The following GSTCD variants were observed in gnomAD, a reference collection of about 807,000 sequenced individuals.
GSTCD encodes glutathione S-transferase C-terminal domain-containing protein.
In GSTCD, 44 loss-of-function variants were observed where a neutral mutation model predicts 68.3. That is an observed-to-expected ratio of 0.64 (90% confidence interval 0.51 to 0.83). The LOEUF (loss-of-function observed/expected upper bound fraction) is 0.83, where lower values mean the gene tolerates loss of function less well. Ranked by LOEUF, GSTCD falls within the 40% of genes least tolerant of loss-of-function variation. The pLI is 0.00. For missense variants in GSTCD, 739 were observed against 735.9 expected (o/e 1.00, Z -0.05); for synonymous variants, 273 against 255.2 (o/e 1.07, Z -0.67).
intron 5 of GSTCD, among the ~76,000 whole-genome samples, chr4:105,745,321 T>A (rs546447555): frequency 8.7e-4 from 133 of 152,310 alleles, no homozygotes; most frequent in Middle Eastern, 3.4e-3. Flanking sequence ...CTGTACAAAA[T>A]GAATTCTATG....
At chr4:105,748,466 A>T (rs936679535) in intron 5 of GSTCD, among the ~76,000 whole-genome samples, 1 of 152,152 alleles carries the variant, frequency 6.6e-6, no homozygotes, top group Non-Finnish European at 1.5e-5. Flanking sequence ...TTTCTCTTCT[A>T]TTAAGAGTGA....
At chr4:105,793,861 G>T (rs1211787714) in intron 5 of GSTCD, among the ~76,000 whole-genome samples, 1 of 152,030 alleles carries the variant, frequency 6.6e-6, no homozygotes, top group Non-Finnish European at 1.5e-5. Flanking sequence ...ACTAAGCAGG[G>T]CATGCCCATT....
At chr4:105,727,124 C>T (rs1482660848) in intron 4 of GSTCD, among the ~76,000 whole-genome samples, 1 of 148,220 alleles carries the variant, frequency 6.7e-6, no homozygotes, top group Non-Finnish European at 1.5e-5. Flanking sequence ...GGATATTGAC[C>T]AAGGTAGCAT....
chr4:105,822,917 A>G, intron 5 of GSTCD, 37 bp from the exon 6 acceptor site: 2 of 1,467,650 alleles, frequency 1.4e-6, no homozygotes. Flanking sequence ...CTCAAAATAT[A>G]TAATGTTTTG....
rs775127516 is a variant in GSTCD, at chr4:105,822,952, A to G, written c.1241-2A>G. ...GTGTTCTTCATTTCTTGTCTTTCTC[A>G]GGTAAAATGTCCAGTGATCGAGCTT... On this transcript the variant is annotated splice_acceptor_variant, in intron 5 of 11. Transcript: ENST00000515279. LOFTEE classifies it high-confidence loss of function. The G allele has an allele frequency of 1.9e-6, 3 of 1,602,224 alleles. No individual in the cohort carries two copies. In the South Asian group the frequency reaches 3.3e-5, roughly 18 times the overall value.
intron 11 of GSTCD, chr4:105,843,377 A>G (rs545006213): frequency 1.3e-5 from 2 of 152,374 alleles, no homozygotes; most frequent in South Asian, 2.1e-4. Context: ...TTAATCAAAT[A>G]CACATTTGAT....
At chr4:105,764,215 G>GA (rs1261934144) in intron 5 of GSTCD, among the ~76,000 whole-genome samples, 1 of 152,062 alleles carries the variant, frequency 6.6e-6, no homozygotes, top group East Asian at 1.9e-4. Flanking sequence ...AAGTTTTATA[G>GA]AAAAAATATT....
chr4:105,806,171 A>G (rs2193857), intron 5 of GSTCD, among the ~76,000 whole-genome samples: 139,201 of 152,076 alleles, frequency 0.92, 63,732 homozygotes, highest in East Asian at 0.96. Context: ...ATAGAGTTGA[A>G]TAAATATAAG....
intron 3 of GSTCD, among the ~76,000 whole-genome samples, chr4:105,724,601 A>T (rs1248518517): frequency 2.0e-5 from 3 of 150,328 alleles, no homozygotes; most frequent in Admixed American, 2.0e-4. Flanking sequence ...AATAGTTCAC[A>T]CATACAGAGA....
rs1733047451 is a variant in GSTCD at position 105,726,685 on chromosome 4, AGT to A, written c.1005_1006del (p.Cys335TrpfsTer16). ...CCAGGAGTAAAAACAGCAGCTTCTA[AGT>A]GTGGGATCCAATTTCTCCATTTACC... is the stretch of plus-strand genomic sequence containing the variant. On this transcript the variant is annotated frameshift_variant, in exon 4 of 12. Coordinates refer to ENST00000515279, the MANE Select transcript of GSTCD (RefSeq NM_001370181.1). LOFTEE classifies it high-confidence loss of function. 11 of 1,613,902 alleles carry A rather than the reference AGT, an allele frequency of 6.8e-6. No individual in the cohort carries two copies. Among genetic ancestry groups the A allele is most frequent in the African/African-American group, 1.3e-5 (1 of 74,922 alleles).
Position 105,846,471 on chromosome 4 carries a change from A to T in GSTCD, c.*894A>T, listed in dbSNP as rs1724551024. 1 of 152,178 alleles carries T rather than the reference A, an allele frequency of 6.6e-6. No individual in the cohort carries two copies. The highest frequency in any genetic ancestry group is 1.5e-5 in the Non-Finnish European group (1 of 68,038). The allele number at this position is 152,178 out of a possible 1,614,324, so 9.4% of individuals were successfully genotyped here. A position where few individuals can be genotyped will look rare whatever the true frequency, so the allele number is the denominator to read the frequency against. ...TTGCCATAAATTTCCTATTACGGGAATGTGGAATTTGGACATACATTTTAA... is the reference window on the plus strand; with the variant it reads ...TTGCCATAAATTTCCTATTACGGGATTGTGGAATTTGGACATACATTTTAA... On this transcript the variant is annotated 3_prime_UTR_variant, in exon 12 of 12. Transcript: ENST00000515279.
At chr4:105,836,021 G>GTCATC (rs1460397912) in intron 9 of GSTCD, among the ~76,000 whole-genome samples, 4 of 152,040 alleles carry the variant, frequency 2.6e-5, no homozygotes, top group East Asian at 2.0e-4. Flanking sequence ...CTTCAGGCAG[G>GTCATC]TCATCTCATC....
At chr4:105,776,687 A>G (rs1029582155) in intron 5 of GSTCD, among the ~76,000 whole-genome samples, 4 of 152,094 alleles carry the variant, frequency 2.6e-5, no homozygotes, top group Admixed American at 1.3e-4. Flanking sequence ...ACCAGTCCCA[A>G]TGAGATGAGC....
intron 11 of GSTCD, among the ~76,000 whole-genome samples, chr4:105,845,228 G>T (rs1205669549): frequency 1.3e-5 from 2 of 152,116 alleles, no homozygotes; most frequent in African/African-American, 4.8e-5. Flanking sequence ...TAAATTATTA[G>T]CAGAGGCAAA....
chr4:105,823,002 A>G lies in GSTCD; in HGVS notation c.1289A>G (p.Asn430Ser), dbSNP rs1723385025. The G allele has an allele frequency of 1.9e-6, 3 of 1,613,880 alleles. No homozygotes were observed. Among genetic ancestry groups the G allele is most frequent in the Non-Finnish European group, 2.5e-6 (3 of 1,179,804 alleles). ...RALRKQQQLN[N>S]LVYVVTNQAK... ...TTGAGGAAGCAGCAACAGTTGAACAACCTTGTCTATGTGGTAACAAATCAG... is the reference window on the plus strand; with the variant it reads ...TTGAGGAAGCAGCAACAGTTGAACAGCCTTGTCTATGTGGTAACAAATCAG... The change falls in exon 6 of 12, where the codon AAC becomes AGC. Residue 430 changes from asparagine (N) to serine (S), a missense_variant. By Grantham distance (46) the Asn-to-Ser change is conservative (BLOSUM62 1). Coordinates refer to ENST00000515279, the MANE Select transcript of GSTCD (RefSeq NM_001370181.1).
At chr4:105,814,710 C>T (rs1041581579) in intron 5 of GSTCD, among the ~76,000 whole-genome samples, 1 of 152,196 alleles carries the variant, frequency 6.6e-6, no homozygotes, top group Non-Finnish European at 1.5e-5. Context: ...TCAATACTTT[C>T]CCAGACTGAG....
intron 5 of GSTCD, among the ~76,000 whole-genome samples, chr4:105,793,021 A>T (rs1349941147): frequency 6.6e-6 from 1 of 152,054 alleles, no homozygotes; most frequent in Non-Finnish European, 1.5e-5. Context: ...TAATCTTAAT[A>T]TTTATATAAA....
intron 11 of GSTCD, chr4:105,843,625 G>A (rs1274000560): frequency 6.6e-6 from 1 of 152,132 alleles, no homozygotes; most frequent in African/African-American, 2.4e-5. Context: ...CCTTTTATAA[G>A]GAACCCACAC....
chr4:105,812,831 G>A (rs1722809842), intron 5 of GSTCD, among the ~76,000 whole-genome samples: 1 of 151,912 alleles, frequency 6.6e-6, no homozygotes, highest in South Asian at 2.1e-4. Context: ...AAATTTCTCT[G>A]GTGTCAGAAA....
Sources: allele counts gnomAD v4.1 joint callset (sites outside exome capture counted in the v4.1 genomes callset), GRCh38; gene constraint gnomAD v4.1.1; transcripts MANE v1.5; gene names NCBI Gene and HGNC (gene_info 2026-07-23, HGNC 2026-07-21).